The following WWOX variants were observed in gnomAD, a reference collection of about 807,000 sequenced individuals.
The protein encoded by WWOX is WW domain containing oxidoreductase, also known as WW domain-containing oxidoreductase.
In WWOX, 69 loss-of-function variants were observed where a neutral mutation model predicts 46.2. That is an observed-to-expected ratio of 1.49 (90% CI 1.23 to 1.82). The LOEUF (loss-of-function observed/expected upper bound fraction) is 1.82, where lower values mean the gene tolerates loss of function less well. Among genes scored for constraint, WWOX ranks in the 40% most tolerant of loss-of-function variants. WWOX has a pLI of 0.00. For synonymous variants in WWOX, 359 were observed against 202.6 expected, an observed-to-expected ratio of 1.77 and a Z score of -6.56; for missense variants, 919 against 542.6, an observed-to-expected ratio of 1.69 and a Z score of -6.89.
At chr16:78,247,757 T>C (rs1242416468) in intron 5 of WWOX, among the ~76,000 whole-genome samples, 1 of 152,172 alleles carries the variant, frequency 6.6e-6, no homozygotes, top group African/African-American at 2.4e-5. Context: ...ACCTTGGATA[T>C]GGAGTTCCAC....
intron 8 of WWOX, chr16:78,895,410 G>C (rs970327320): frequency 6.6e-6 from 1 of 152,144 alleles, no homozygotes; most frequent in African/African-American, 2.4e-5. Context: ...CTCCTCTGTG[G>C]GGTCAAAACA....
Position 78,528,165 on chromosome 16 carries a change from AT to A in WWOX, c.1056+95435del, listed in dbSNP as rs56803717. ...AGGTGCCCGCCACCACACCTGGCTA[AT>A]TTTTTTTTTTTTTTTTTTTTTGCAT... On this transcript the variant is annotated intron_variant, in intron 8 of 8. Coordinates refer to ENST00000566780, the MANE Select transcript of WWOX (RefSeq NM_016373.4). Among the ~76,000 whole-genome samples the A allele has an allele frequency of 6.8e-3, 400 of 58,402 alleles. 9 individuals carry two copies. The highest frequency in any genetic ancestry group is 0.031 in the African/African-American group (370 of 11,966). The allele number at this position is 58,402 out of a possible 152,430, so 38.3% of individuals were successfully genotyped here.
intron 5 of WWOX, among the ~76,000 whole-genome samples, chr16:78,339,771 G>A (rs28496260): frequency 0.23 from 26,614 of 115,404 alleles, 8,430 homozygotes; most frequent in African/African-American, 0.38. Context: ...TTGTTCTCGG[G>A]AAGTACAAAC....
Position 78,350,229 on chromosome 16 carries a change from T to A in WWOX, c.517-36631T>A, listed in dbSNP as rs1243276985. On this transcript the variant is annotated intron_variant, in intron 5 of 8. Transcript: ENST00000566780. ...AGTTGTGAGGTATGTTTCAAGTGAT[T>A]TATTACTAGAAATTCTTAGCGAGCT... 3.3e-5 allele frequency among the ~76,000 whole-genome samples: 4 copies of A among 121,258 alleles called. 2 individuals are homozygous for A. Among genetic ancestry groups the A allele is most frequent in the Non-Finnish European group, 7.9e-5 (4 of 50,732 alleles). The allele number at this position is 121,258 out of a possible 152,430, so 79.5% of individuals were successfully genotyped here.
intron 8 of WWOX, among the ~76,000 whole-genome samples, chr16:78,561,821 G>A (rs2044444799): frequency 6.6e-6 from 1 of 152,172 alleles, no homozygotes; most frequent in African/African-American, 2.4e-5. Flanking sequence ...TCCTTCTATG[G>A]CTCAGGATCT....
intron 5 of WWOX, among the ~76,000 whole-genome samples, chr16:78,365,349 C>T (rs2081510995): frequency 6.6e-6 from 1 of 152,092 alleles, no homozygotes; most frequent in African/African-American, 2.4e-5. Context: ...TTCTTTTTTA[C>T]TTGCTGGATA....
chr16:78,650,495 G>A (rs920925434), intron 8 of WWOX, among the ~76,000 whole-genome samples: 1 of 152,090 alleles, frequency 6.6e-6, no homozygotes, highest in Non-Finnish European at 1.5e-5. Context: ...CTTGAGATTT[G>A]CCCTGTGACT....
At chr16:79,087,215 C>CTTCAAAAG (rs1467904849) in intron 8 of WWOX, among the ~76,000 whole-genome samples, 18 of 152,194 alleles carry the variant, frequency 1.2e-4, no homozygotes, top group Admixed American at 3.3e-4. Context: ...TCACCTAAAT[C>CTTCAAAAG]TTCAAAAGTG....
At chr16:78,318,672 G>A (rs892856802) in intron 5 of WWOX, among the ~76,000 whole-genome samples, 1 of 152,140 alleles carries the variant, frequency 6.6e-6, no homozygotes, top group African/African-American at 2.4e-5. Flanking sequence ...GATAATAAAT[G>A]TTAAGTGCTT....
intron 3 of WWOX, among the ~76,000 whole-genome samples, chr16:78,111,292 G>C (rs982993838): frequency 2.6e-5 from 4 of 152,176 alleles, no homozygotes; most frequent in Non-Finnish European, 1.5e-5. Flanking sequence ...TCATAATACA[G>C]GTTAGATATG....
chr16:78,952,084 C>T (rs1340433621), intron 8 of WWOX, among the ~76,000 whole-genome samples: 2 of 152,086 alleles, frequency 1.3e-5, no homozygotes, highest in Non-Finnish European at 2.9e-5. Context: ...ATCCCTCGAC[C>T]CAGTGACCTA....
chr16:78,131,031 T>G (rs568809331), intron 4 of WWOX, among the ~76,000 whole-genome samples: 33 of 152,220 alleles, frequency 2.2e-4, no homozygotes, highest in Non-Finnish European at 4.1e-4. Context: ...CTGAATACTA[T>G]AGGCAGTCAT....
At chr16:79,116,924 C>G (rs1047759338) in intron 8 of WWOX, among the ~76,000 whole-genome samples, 1 of 152,098 alleles carries the variant, frequency 6.6e-6, no homozygotes, top group Non-Finnish European at 1.5e-5. Flanking sequence ...GTTGAAATTA[C>G]TCTTTGATAC....
chr16:79,158,194 G>C (rs957673972), intron 8 of WWOX, among the ~76,000 whole-genome samples: 4 of 152,126 alleles, frequency 2.6e-5, no homozygotes, highest in African/African-American at 9.7e-5. Flanking sequence ...TCATAGATGA[G>C]GTGAGCAAAA....
chr16:78,578,498 C>T (rs975286351), intron 8 of WWOX, among the ~76,000 whole-genome samples: 3 of 151,408 alleles, frequency 2.0e-5, no homozygotes, highest in African/African-American at 7.3e-5. Context: ...ACCATGTTAT[C>T]AGGATGGTCT....
intron 4 of WWOX, among the ~76,000 whole-genome samples, chr16:78,126,940 C>G (rs563701374): frequency 6.6e-6 from 1 of 152,292 alleles, no homozygotes; most frequent in South Asian, 2.1e-4. Context: ...TCTATGCATT[C>G]TCTCATTTGA....
intron 8 of WWOX, among the ~76,000 whole-genome samples, chr16:78,876,818 A>G (rs1172749387): frequency 2.0e-5 from 3 of 152,202 alleles, no homozygotes; most frequent in Middle Eastern, 3.2e-3. Context: ...GCTCAAACAG[A>G]TATTTTCATC....
At chr16:79,117,721 C>T (rs2049545580) in intron 8 of WWOX, among the ~76,000 whole-genome samples, 2 of 152,238 alleles carry the variant, frequency 1.3e-5, no homozygotes, top group African/African-American at 2.4e-5. Context: ...TCTGCATCAG[C>T]ACTTGCTGCT....
intron 8 of WWOX, among the ~76,000 whole-genome samples, chr16:79,157,507 G>T (rs1293382722): frequency 6.6e-6 from 1 of 152,088 alleles, no homozygotes; most frequent in Non-Finnish European, 1.5e-5. Flanking sequence ...ATAGGTTGAA[G>T]TCAATCACAT....
Sources: allele counts gnomAD v4.1 joint callset (sites outside exome capture counted in the v4.1 genomes callset), GRCh38; gene constraint gnomAD v4.1.1; transcripts MANE v1.5; gene names NCBI Gene and HGNC (gene_info 2026-07-23, HGNC 2026-07-21).